ST6GALNAC3: variants seen among roughly 807,000 people sequenced by gnomAD.
ST6GALNAC3 encodes ST6 N-acetylgalactosaminide alpha-2,6-sialyltransferase 3, also known as alpha-N-acetylgalactosaminide alpha-2,6-sialyltransferase 3.
ST6GALNAC3 carries 25 observed loss-of-function variants against 32.7 expected under a neutral mutation model. That is an observed-to-expected ratio of 0.76 (90% CI 0.56 to 1.07). ST6GALNAC3 has a LOEUF of 1.07. ST6GALNAC3 is among the 50% of genes least tolerant of loss of function. The pLI is 0.00. For missense variants in ST6GALNAC3, 355 were observed against 382.4 expected (o/e 0.93, Z 0.60); for synonymous variants, 129 against 133.1 (o/e 0.97, Z 0.21).
chr1:76,140,954 C>T lies in ST6GALNAC3; in HGVS notation c.18+66070C>T, dbSNP rs1650284732. On this transcript the variant is annotated intron_variant, in intron 1 of 4. Transcript: ENST00000328299. ...GCCCAGGCTTGTTTTTTATTGTACACTTAGGGACTTGCCTATGGTAGGTAC... is the reference window on the plus strand; with the variant it reads ...GCCCAGGCTTGTTTTTTATTGTACATTTAGGGACTTGCCTATGGTAGGTAC... Among the ~76,000 whole-genome samples the T allele has an allele frequency of 2.0e-5, 3 of 151,948 alleles. No homozygotes were observed. The South Asian group carries it at 6.2e-4, about 32-fold the overall frequency.
At chr1:76,318,425 T>C (rs1403072761) in intron 2 of ST6GALNAC3, among the ~76,000 whole-genome samples, 1 of 152,136 alleles carries the variant, frequency 6.6e-6, no homozygotes, top group East Asian at 1.9e-4. Flanking sequence ...GCCAACTAAC[T>C]GGGTGAGTGC....
At chr1:76,507,373 C>A (rs1661542796) in intron 3 of ST6GALNAC3, among the ~76,000 whole-genome samples, 2 of 152,098 alleles carry the variant, frequency 1.3e-5, no homozygotes, top group African/African-American at 4.8e-5. Context: ...ATCATTCTCA[C>A]AATCAATTTT....
chr1:76,628,434 T>C (rs906212957), intron 4 of ST6GALNAC3, among the ~76,000 whole-genome samples, 186 bp from the exon 5 acceptor site: 1 of 151,952 alleles, frequency 6.6e-6, no homozygotes, highest in Non-Finnish European at 1.5e-5. Flanking sequence ...ATTAAACCAC[T>C]AAAAACTTGG....
intron 1 of ST6GALNAC3, among the ~76,000 whole-genome samples, chr1:76,178,582 A>C (rs1652985801): frequency 6.6e-6 from 1 of 152,194 alleles, no homozygotes; most frequent in Non-Finnish European, 1.5e-5. Flanking sequence ...TTAAAAGATT[A>C]TCTGATGTAC....
Position 76,627,598 on chromosome 1 carries a change from C to T in ST6GALNAC3, c.731+39C>T, listed in dbSNP as rs377350115. On this transcript the variant is annotated intron_variant, in intron 4 of 4. Transcript: ENST00000328299. Reference sequence around the variant, plus strand: ...AAATTATTTTTATGCAGCTCCAATTCGGAGATCTTGTCAAAATATCACAAT... The same window carrying T: ...AAATTATTTTTATGCAGCTCCAATTTGGAGATCTTGTCAAAATATCACAAT... The T allele has an allele frequency of 8.2e-4, 1,138 of 1,391,980 alleles. 1 individual carries two copies. Among genetic ancestry groups the T allele is most frequent in the Non-Finnish European group, 1.1e-3 (1,055 of 980,242 alleles). 86.2% of individuals were successfully genotyped at this position (1,391,980 alleles called of 1,614,324 possible). A position where few individuals can be genotyped will look rare whatever the true frequency, so the allele number is the denominator to read the frequency against.
intron 1 of ST6GALNAC3, among the ~76,000 whole-genome samples, chr1:76,112,731 T>A (rs1204015072): frequency 6.6e-6 from 1 of 150,392 alleles, no homozygotes; most frequent in Non-Finnish European, 1.5e-5. Context: ...GCTCCTCACA[T>A]CCCAGACGGG....
chr1:76,287,366 TGTAGG>T (rs1659839169), intron 1 of ST6GALNAC3, among the ~76,000 whole-genome samples: 2 of 150,478 alleles, frequency 1.3e-5, no homozygotes, highest in South Asian at 2.1e-4. Flanking sequence ...TTTTGTCAGT[TGTAGG>T]TTTTCTTTTT....
chr1:76,210,333 G>A (rs1418111351), intron 1 of ST6GALNAC3, among the ~76,000 whole-genome samples: 5 of 152,148 alleles, frequency 3.3e-5, no homozygotes, highest in Admixed American at 6.5e-5. Flanking sequence ...CCTTCCCCAT[G>A]TGAACCACAG....
At chr1:76,445,059 A>G (rs181425620) in intron 3 of ST6GALNAC3, among the ~76,000 whole-genome samples, 3 of 152,286 alleles carry the variant, frequency 2.0e-5, no homozygotes, top group East Asian at 3.9e-4. Context: ...AGTATGTGCA[A>G]CCTCATAACT....
intron 3 of ST6GALNAC3, among the ~76,000 whole-genome samples, chr1:76,595,525 C>T (rs754588479): frequency 8.5e-5 from 13 of 152,108 alleles, no homozygotes; most frequent in African/African-American, 2.4e-4. Context: ...TAAGCTTAAT[C>T]GATTGCACAC....
At chr1:76,096,092 T>G (rs1424297727) in intron 1 of ST6GALNAC3, among the ~76,000 whole-genome samples, 6 of 152,180 alleles carry the variant, frequency 3.9e-5, no homozygotes, top group African/African-American at 1.4e-4. Flanking sequence ...AGGCAACGTT[T>G]ACCTGTGCTG....
At chr1:76,251,765 C>A (rs753653200) in intron 1 of ST6GALNAC3, among the ~76,000 whole-genome samples, 2 of 152,056 alleles carry the variant, frequency 1.3e-5, no homozygotes, top group Non-Finnish European at 2.9e-5. Flanking sequence ...TTTTCAATCT[C>A]TTGCTCTTGT....
intron 1 of ST6GALNAC3, among the ~76,000 whole-genome samples, chr1:76,119,690 A>G (rs1390267969): frequency 1.3e-5 from 2 of 152,190 alleles, no homozygotes; most frequent in African/African-American, 4.8e-5. Flanking sequence ...GTGAAACTTG[A>G]ACAACAATAG....
At chr1:76,129,262 G>A (rs1021343728) in intron 1 of ST6GALNAC3, among the ~76,000 whole-genome samples, 14 of 152,154 alleles carry the variant, frequency 9.2e-5, no homozygotes, top group African/African-American at 3.1e-4. Context: ...AGTAAGGGAT[G>A]GGCGTCCCTG....
intron 1 of ST6GALNAC3, among the ~76,000 whole-genome samples, chr1:76,167,937 G>T (rs1342528435): frequency 6.6e-6 from 1 of 152,012 alleles, no homozygotes; most frequent in African/African-American, 2.4e-5. Context: ...TCAAAAAACA[G>T]CTCCTGGATT....
chr1:76,464,025 T>A (rs1353202513), intron 3 of ST6GALNAC3, among the ~76,000 whole-genome samples: 1 of 152,166 alleles, frequency 6.6e-6, no homozygotes, highest in African/African-American at 2.4e-5. Flanking sequence ...CATGTTCTAG[T>A]GACTGCTCCC....
intron 3 of ST6GALNAC3, among the ~76,000 whole-genome samples, chr1:76,580,706 CAAAT>C (rs1646880294): frequency 1.3e-5 from 2 of 152,158 alleles, no homozygotes; most frequent in African/African-American, 2.4e-5. Flanking sequence ...AACAAATAAA[CAAAT>C]AAGCTCATGA....
intron 3 of ST6GALNAC3, among the ~76,000 whole-genome samples, chr1:76,482,645 T>A (rs1479203695): frequency 6.6e-6 from 1 of 152,172 alleles, no homozygotes; most frequent in Non-Finnish European, 1.5e-5. Context: ...TTCAGAGAAG[T>A]TGAATAACTT....
chr1:76,379,886 G>A (rs1365334751), intron 2 of ST6GALNAC3, among the ~76,000 whole-genome samples: 2 of 152,160 alleles, frequency 1.3e-5, no homozygotes, highest in Non-Finnish European at 2.9e-5. Flanking sequence ...CCAGGCTTTT[G>A]ATGAGGCGAA....
Sources: allele counts gnomAD v4.1 joint callset (sites outside exome capture counted in the v4.1 genomes callset), GRCh38; gene constraint gnomAD v4.1.1; transcripts MANE v1.5; gene names NCBI Gene and HGNC (gene_info 2026-07-23, HGNC 2026-07-21).